The following FARP2 variants were observed in gnomAD, a reference collection of about 807,000 sequenced individuals.
FARP2 encodes FERM, ARHGEF and pleckstrin domain-containing protein 2.
Under a neutral mutation model 130.5 loss-of-function variants are expected in FARP2, and 111 were observed. The ratio of observed to expected loss-of-function variants is 0.85; its 90% CI spans 0.73 to 1.00. The LOEUF (loss-of-function observed/expected upper bound fraction) is 1.00. Among genes scored for constraint, FARP2 ranks in the 50% least tolerant of loss-of-function variants. FARP2 has a pLI of 0.00. For synonymous variants in FARP2, 504 were observed against 516.9 expected (o/e 0.98, Z 0.34); for missense variants, 1,385 against 1,346.3 (o/e 1.03, Z -0.45).
At chr2:241,357,956 G>A (rs1023537151) in intron 1 of FARP2, among the ~76,000 whole-genome samples, 5 of 152,170 alleles carry the variant, frequency 3.3e-5, no homozygotes, top group Admixed American at 6.5e-5. Flanking sequence ...TTGGGAGGCC[G>A]AGGCAGGCAG....
At chr2:241,444,119 T>C (rs545339826) in intron 13 of FARP2, 2 of 152,356 alleles carry the variant, frequency 1.3e-5, no homozygotes, top group East Asian at 3.9e-4. Flanking sequence ...GAAGTTTCAG[T>C]CTGTATAGTT....
chr2:241,459,131 TG>T lies in FARP2; in HGVS notation c.1587+2212del, dbSNP rs1280705138. ...TAGCAAGGCTGTTGCCCAGCACAGG[TG>T]GGCTCCGAGATGGCAAGGATGGCCC... On this transcript the variant is annotated intron_variant, in intron 14 of 26. Coordinates refer to ENST00000264042, the MANE Select transcript of FARP2 (RefSeq NM_014808.4). The surrounding 1 kb of genome is among the most constrained non-coding windows in gnomAD (Gnocchi z 5.3). 1.2e-4 allele frequency among the ~76,000 whole-genome samples: 19 copies of T among 152,198 alleles called. No individual in the cohort carries two copies. Among genetic ancestry groups the T allele is most frequent in the African/African-American group, 4.1e-4 (17 of 41,446 alleles).
At chr2:241,489,153 G>C (rs1437880975) in intron 21 of FARP2, 1 of 152,190 alleles carries the variant, frequency 6.6e-6, no homozygotes, top group Non-Finnish European at 1.5e-5. Flanking sequence ...CCAGTGAGAG[G>C]CTTGGTTGGT....
At chr2:241,492,726 G>A in intron 24 of FARP2, 1 of 542,704 alleles carries the variant, frequency 1.8e-6, no homozygotes, top group South Asian at 2.5e-5. Context: ...ACTTTACTTG[G>A]TGCCTGGAAT....
chr2:241,478,643 G>C (rs2064536193), intron 19 of FARP2: 16 of 502,174 alleles, frequency 3.2e-5, no homozygotes, highest in South Asian at 1.8e-4. Context: ...AGACCTTGTG[G>C]AGGAAGGAGT....
chr2:241,407,819 C>T (rs2062402656), intron 5 of FARP2, among the ~76,000 whole-genome samples: 1 of 152,166 alleles, frequency 6.6e-6, no homozygotes, highest in Non-Finnish European at 1.5e-5. Flanking sequence ...GTAAGGTTTA[C>T]AGTACAAATT....
intron 7 of FARP2, among the ~76,000 whole-genome samples, chr2:241,417,561 G>T (rs921548726): frequency 4.6e-5 from 7 of 152,110 alleles, no homozygotes; most frequent in Non-Finnish European, 1.0e-4. Flanking sequence ...GACCTCAGGT[G>T]ATCCACCCGC....
intron 22 of FARP2, 86 bp from the exon 23 acceptor site, chr2:241,490,975 G>A: frequency 3.1e-6 from 3 of 963,580 alleles, no homozygotes; most frequent in East Asian, 2.4e-5. Flanking sequence ...GAGAGAACAG[G>A]TGCCCTGACG....
intron 4 of FARP2, among the ~76,000 whole-genome samples, chr2:241,405,731 C>T (rs377505893): frequency 3.3e-5 from 5 of 151,936 alleles, no homozygotes; most frequent in East Asian, 3.9e-4. Flanking sequence ...GTCAGGAGTT[C>T]GAGACCAGCC....
chr2:241,491,546 A>AGTC lies in FARP2; in HGVS notation c.2655_2657dup (p.Ser886dup), dbSNP rs1395710196. ...CCCAACGAGGTATCTCTGGAGCAGG[A>AGTC]GTCAGAAGATGATGCTCGGGGTGTC... On this transcript the variant is annotated inframe_insertion, in exon 24 of 27. Coordinates refer to ENST00000264042, the MANE Select transcript of FARP2 (RefSeq NM_014808.4). 6.2e-7 allele frequency: 1 copy of AGTC among 1,613,668 alleles called. No individual in the cohort carries two copies. Among genetic ancestry groups the AGTC allele is most frequent in the East Asian group, 2.2e-5 (1 of 44,876 alleles).
At chr2:241,491,753 G>A (rs2064922364) in intron 24 of FARP2, 74 bp downstream of exon 24, 4 of 1,435,806 alleles carry the variant, frequency 2.8e-6, no homozygotes, top group African/African-American at 1.4e-5. Flanking sequence ...TGCTGAGGAG[G>A]GGACCTCAGG....
rs749525881 is a variant in FARP2, at chr2:241,468,251, G to A, written c.2005G>A (p.Val669Ile). Residue 669 changes from valine to isoleucine, a missense_variant, in exon 18 of 27, where the codon GTC becomes ATC. Coordinates refer to ENST00000264042, the MANE Select transcript of FARP2 (RefSeq NM_014808.4). Reference sequence around the variant, plus strand: ...GTACAAGGAGTTTGAGCTGCAGAAGGTCTGCTACTTGCCTCTCAACACGTT... The same window carrying A: ...GTACAAGGAGTTTGAGCTGCAGAAGATCTGCTACTTGCCTCTCAACACGTT... ...AVYKEFELQK[V>I]CYLPLNTFLL... 1 of 1,614,020 alleles carries A rather than the reference G, an allele frequency of 6.2e-7. No homozygotes were observed. The highest frequency in any genetic ancestry group is 1.1e-5 in the South Asian group (1 of 91,082).
At chr2:241,388,821 C>T (rs1297846129) in intron 2 of FARP2, among the ~76,000 whole-genome samples, 1 of 151,080 alleles carries the variant, frequency 6.6e-6, no homozygotes, top group Admixed American at 6.6e-5. Context: ...GAGTGAGATC[C>T]TGTCCCAAAA....
intron 2 of FARP2, among the ~76,000 whole-genome samples, chr2:241,398,800 C>T (rs1040990697): frequency 6.6e-6 from 1 of 152,116 alleles, no homozygotes; most frequent in Non-Finnish European, 1.5e-5. Flanking sequence ...AACTCCTGAC[C>T]TCAGGTGATC....
chr2:241,400,497 G>T (rs986408998), intron 2 of FARP2, among the ~76,000 whole-genome samples: 1 of 152,198 alleles, frequency 6.6e-6, no homozygotes, highest in East Asian at 1.9e-4. Flanking sequence ...TTCTAGAGTC[G>T]AGTACCAACT....
chr2:241,373,082 A>G lies in FARP2; in HGVS notation c.-24-2A>G. On this transcript the variant is annotated splice_acceptor_variant, in intron 1 of 26. Coordinates refer to ENST00000264042, the MANE Select transcript of FARP2 (RefSeq NM_014808.4). LOFTEE classifies it low-confidence loss of function (5UTR_SPLICE). ...ATGTGGTTTTTTTTTTTTTCATTTT[A>G]GTGTTTTCTTCACTCATGGTGAAGA... is the stretch of plus-strand genomic sequence containing the variant. 2.9e-6 allele frequency: 3 copies of G among 1,029,636 alleles called. No homozygotes were observed. The highest frequency in any genetic ancestry group is 3.8e-6 in the Non-Finnish European group (3 of 780,600). The allele number at this position is 1,029,636 out of a possible 1,614,324, so 63.8% of individuals were successfully genotyped here. A position where few individuals can be genotyped will look rare whatever the true frequency, so the allele number is the denominator to read the frequency against.
intron 13 of FARP2, among the ~76,000 whole-genome samples, chr2:241,452,271 G>A (rs1274918611): frequency 6.6e-6 from 1 of 152,016 alleles, no homozygotes; most frequent in Non-Finnish European, 1.5e-5. Context: ...CATCTGTGTT[G>A]GTGACTTCAG....
chr2:241,491,166 C>T lies in FARP2; in HGVS notation c.2610C>T (p.Cys870=), dbSNP rs1490664152. Residue 870 remains cysteine, a synonymous_variant, in exon 23 of 27, where the codon TGC becomes TGT. Coordinates refer to ENST00000264042, the MANE Select transcript of FARP2 (RefSeq NM_014808.4). ...TAPALPGRTV[C]TRPPRSPNEV... ...CTGCACTGCCAGGCCGCACTGTGTG[C>T]ACTCGTCCCCCCAGTGAGTGCTGGC... 9.9e-6 allele frequency: 16 copies of T among 1,611,650 alleles called. No homozygotes were observed. The highest frequency in any genetic ancestry group is 1.4e-5 in the Non-Finnish European group (16 of 1,178,548).
intron 9 of FARP2, chr2:241,432,099 C>T (rs1329368988): frequency 1.3e-5 from 2 of 156,226 alleles, no homozygotes; most frequent in African/African-American, 4.8e-5. Flanking sequence ...GGATTACAGG[C>T]TCACAAAGTG....
Sources: gnomAD v4.1 joint callset for allele counts (sites outside exome capture counted in the v4.1 genomes callset) on GRCh38, gnomAD v4.1.1 for gene constraint, Gnocchi (gnomAD v3.1) non-coding constraint, MANE v1.5 for transcripts, NCBI Gene and HGNC (gene_info 2026-07-23, HGNC 2026-07-21) for gene names.